The following SETX variants were observed in gnomAD, a reference collection of about 807,000 sequenced individuals.
SETX encodes the protein senataxin.
A neutral mutation model predicts 227.2 loss-of-function variants in SETX; 90 were observed. That is an observed-to-expected ratio of 0.40 (90% CI 0.33 to 0.47). The LOEUF is 0.47. SETX is among the 20% of genes least tolerant of loss of function. The probability of loss-of-function intolerance (pLI) is 0.91; values close to 1 mark genes in which losing one functional copy is unlikely to be tolerated. For synonymous variants in SETX, 1,210 were observed against 1,113.2 expected, an observed-to-expected ratio of 1.09 and a Z score of -1.73; for missense variants, 3,052 against 3,181.5, an observed-to-expected ratio of 0.96 and a Z score of 0.98.
chr9:132,276,704 A>G (rs933587185), intron 22 of SETX, among the ~76,000 whole-genome samples: 1 of 152,118 alleles, frequency 6.6e-6, no homozygotes, highest in African/African-American at 2.4e-5. Context: ...TCACATTTTC[A>G]TTCAACTGAA....
At chr9:132,331,690 T>C (rs914829094) in intron 7 of SETX, among the ~76,000 whole-genome samples, 5 of 151,970 alleles carry the variant, frequency 3.3e-5, no homozygotes, top group African/African-American at 1.2e-4. Context: ...AAAAAAAATT[T>C]AGTGGCAAAC....
intron 6 of SETX, among the ~76,000 whole-genome samples, chr9:132,335,258 G>T (rs989310479): frequency 6.6e-6 from 1 of 151,628 alleles, no homozygotes; most frequent in Non-Finnish European, 1.5e-5. Flanking sequence ...AGGCGTGGTG[G>T]CAGGCGCCTG....
At position 132,327,513 on chromosome 9, in the gene SETX, C is replaced by T. The variant is rs1426718485; in HGVS notation, c.4085G>A (p.Arg1362Lys). 1 of 1,613,942 alleles carries T rather than the reference C, an allele frequency of 6.2e-7. No homozygotes were observed. Among genetic ancestry groups the T allele is most frequent in the East Asian group, 2.2e-5 (1 of 44,902 alleles). The change falls in exon 10 of 26, where the codon AGA becomes AAA. Residue 1362 changes from arginine (R) to lysine (K), a missense_variant. This residue lies in a region of SETX where 1,483 missense variants were observed against 1,312.0 expected (regional missense o/e 1.13). Transcript: ENST00000224140. ...RQIRPKSQKN[R>K]RRLSDCESTD... is the part of the protein sequence containing the mutation. ...ACTTTCACAATCAGAAAGTCTTCGTCTATTTTTTTGTGATTTGGGTCTGAT... is the reference window on the plus strand; with the variant it reads ...ACTTTCACAATCAGAAAGTCTTCGTTTATTTTTTTGTGATTTGGGTCTGAT...
In SETX at chr9:132,328,690, G is replaced by A; in HGVS notation, c.2908C>T (p.Gln970Ter). Reference protein sequence around the residue: ...RDLHKLSLLAQASVITFPSDS... With the variant: ...RDLHKLSLLA ...GATGGGAACGTAATAACACTGGCTT[G>A]AGCTAGTAAAGATAATTTGTGAAGG... Residue 970 changes from glutamine (Q) to a stop codon, truncating the protein, a stop_gained, in exon 10 of 26, where the codon CAA becomes TAA. Transcript: ENST00000224140. LOFTEE classifies it high-confidence loss of function. 3 of 1,613,822 alleles carry A rather than the reference G, an allele frequency of 1.9e-6. No homozygotes were observed. Among genetic ancestry groups the A allele is most frequent in the African/African-American group, 1.3e-5 (1 of 75,048 alleles).
chr9:132,261,614 T>C lies in SETX; in HGVS notation c.*2625A>G, dbSNP rs1185181812. ...TCACAGCATAGAAAAGTCAAAGCTA[T>C]AGCAAAAAATTGCTAATCTGCACAA... On this transcript the variant is annotated 3_prime_UTR_variant, in exon 26 of 26. Coordinates refer to ENST00000224140, the MANE Select transcript of SETX (RefSeq NM_015046.7). 6.5e-6 allele frequency: 1 copy of C among 152,868 alleles called. No homozygotes were observed. The highest frequency in any genetic ancestry group is 6.5e-5 in the Admixed American group (1 of 15,288). 9.5% of individuals were successfully genotyped at this position (152,868 alleles called of 1,614,324 possible).
At chr9:132,271,574 G>T in intron 24 of SETX, 136 bp downstream of exon 24, 1 of 775,168 alleles carries the variant, frequency 1.3e-6, no homozygotes. Context: ...AACTTTCATA[G>T]TATTACACAG....
At chr9:132,300,921 C>G in intron 11 of SETX, 118 bp from the exon 12 acceptor site, 1 of 804,846 alleles carries the variant, frequency 1.2e-6, no homozygotes, top group Non-Finnish European at 1.9e-6. Context: ...CACTAAAGGA[C>G]TCTGCATATA....
intron 5 of SETX, among the ~76,000 whole-genome samples, chr9:132,337,574 G>GA (rs1463537103): frequency 6.6e-6 from 1 of 152,124 alleles, no homozygotes; most frequent in Non-Finnish European, 1.5e-5. Context: ...CAAAAAGTTG[G>GA]AAAAACACAG....
rs146749579 is a variant in SETX, at chr9:132,310,720, T to G, written c.5374+1037A>C. ...CTGACAATTGAACATGAGTTTGAAG[T>G]GCACAGGTCCACTAATTCATAGATT... On this transcript the variant is annotated intron_variant, in intron 11 of 25. Coordinates refer to ENST00000224140, the MANE Select transcript of SETX (RefSeq NM_015046.7). Among the ~76,000 whole-genome samples, 506 of 152,328 alleles carry G rather than the reference T, an allele frequency of 3.3e-3. 2 individuals are homozygous for G. Among genetic ancestry groups the G allele is most frequent in the Non-Finnish European group, 5.1e-3 (349 of 68,028 alleles).
intron 18 of SETX, among the ~76,000 whole-genome samples, chr9:132,284,327 G>T (rs1843713321): frequency 6.6e-6 from 1 of 152,146 alleles, no homozygotes; most frequent in Non-Finnish European, 1.5e-5. Flanking sequence ...TTTAAAATCT[G>T]ATTAAAATCT....
At chr9:132,346,175 C>T in intron 4 of SETX, 86 bp downstream of exon 4, 1 of 1,103,680 alleles carries the variant, frequency 9.1e-7, no homozygotes, top group South Asian at 1.3e-5. Flanking sequence ...GTTTAGCAAA[C>T]AAATTTGCAA....
chr9:132,307,071 A>G (rs1217740466), intron 11 of SETX, among the ~76,000 whole-genome samples: 1 of 152,204 alleles, frequency 6.6e-6, no homozygotes, highest in Non-Finnish European at 1.5e-5. Flanking sequence ...CCTGGCCAAC[A>G]TGGCAAAGCC....
intron 24 of SETX, among the ~76,000 whole-genome samples, chr9:132,271,428 G>A (rs75306122): frequency 2.6e-5 from 4 of 152,140 alleles, no homozygotes; most frequent in Admixed American, 2.0e-4. Flanking sequence ...AGCTGGGCGT[G>A]GTAGCACATG....
intron 6 of SETX, among the ~76,000 whole-genome samples, chr9:132,335,390 CAAAAAAAAAAAAAAAA>C (rs1157691529): frequency 7.7e-5 from 4 of 51,994 alleles, no homozygotes; most frequent in Admixed American, 3.6e-4. Context: ...GACTCCGTCT[CAAAAAAAAAAAAAAAA>C]AAAAAAAAAA....
At chr9:132,269,785 T>G (rs1013937493) in intron 24 of SETX, 83 bp from the exon 25 acceptor site, 14 of 1,351,722 alleles carry the variant, frequency 1.0e-5, no homozygotes, top group Non-Finnish European at 1.5e-5. Context: ...CTAGAATGAC[T>G]CAACGTGCCC....
At position 132,283,349 on chromosome 9, in the gene SETX, G is replaced by A. The variant is rs1253430765; in HGVS notation, c.6461C>T (p.Thr2154Met). 5 of 1,614,110 alleles carry A rather than the reference G, an allele frequency of 3.1e-6. No individual in the cohort carries two copies. Among genetic ancestry groups the A allele is most frequent in the African/African-American group, 2.7e-5 (2 of 75,012 alleles). ...IILESHIICC[T>M]LSTSGGLLLE... ...TAGTAAACCACCACTTGTGCTCAAC[G>A]TGCAGCAGATGATATGGGACTCTAA... The change falls in exon 19 of 26, where the codon ACG becomes ATG. Residue 2154 changes from threonine (T) to methionine (M), a missense_variant. Thr to Met is a moderately conservative substitution (Grantham distance 81, BLOSUM62 -1). Transcript: ENST00000224140.
intron 2 of SETX, among the ~76,000 whole-genome samples, chr9:132,350,936 G>A (rs1250342570): frequency 6.6e-6 from 1 of 152,196 alleles, no homozygotes; most frequent in African/African-American, 2.4e-5. Context: ...GATAGCCGCA[G>A]AGTACCGCCC....
intron 25 of SETX, among the ~76,000 whole-genome samples, chr9:132,266,828 C>G (rs1284480960): frequency 2.0e-5 from 3 of 152,130 alleles, no homozygotes; most frequent in African/African-American, 7.2e-5. Context: ...CTAAGAAATC[C>G]TGGAGACAAT....
intron 23 of SETX, among the ~76,000 whole-genome samples, chr9:132,272,475 T>TA (rs201380297): frequency 0.017 from 2,397 of 144,274 alleles, 55 homozygotes; most frequent in African/African-American, 0.057. Flanking sequence ...TAAAGAAACT[T>TA]AAAAAAAAAA....
Sources: allele counts gnomAD v4.1 joint callset (sites outside exome capture counted in the v4.1 genomes callset), GRCh38; gene constraint gnomAD v4.1.1; regional missense constraint gnomAD v4.1.1; transcripts MANE v1.5; gene names NCBI Gene and HGNC (gene_info 2026-07-23, HGNC 2026-07-21).